Variants in LINGO1 observed in about 807,000 individuals in gnomAD.
LINGO1 encodes the protein leucine rich repeat and Ig domain containing 1.
LINGO1 carries 11 observed loss-of-function variants against 37.3 expected under a neutral mutation model. The observed-to-expected ratio is 0.29, with a 90% CI of 0.19 to 0.49. LINGO1 has a LOEUF of 0.49. Among genes scored for constraint, LINGO1 ranks in the 20% least tolerant of loss-of-function variants. The pLI is 0.99. For missense variants in LINGO1, 585 were observed against 878.2 expected (o/e 0.67, Z 4.22); for synonymous variants, 387 against 403.0 (o/e 0.96, Z 0.48).
In LINGO1 at chr15:77,758,969, C is replaced by T. The variant is rs890368131; in HGVS notation, c.-256-23916G>A. 2.6e-5 allele frequency among the ~76,000 whole-genome samples: 4 copies of T among 152,262 alleles called. No homozygotes were observed. In the East Asian group the frequency reaches 7.7e-4, roughly 29 times the overall value. ...GTTCCAGAGTGGGGTCCACTCCACT[C>T]AGCCCATAGGGAGCCCACAAGGCCC... On this transcript the variant is annotated intron_variant, in intron 1 of 3. Coordinates refer to the LINGO1 transcript ENST00000561686.
At chr15:77,720,837 C>G (rs1176692276) in intron 2 of LINGO1, 2 of 152,034 alleles carry the variant, frequency 1.3e-5, no homozygotes, top group African/African-American at 4.8e-5. Flanking sequence ...ACAGGGAAGG[C>G]CCCAGGCCTG....
chr15:77,745,209 G>A (rs1358786643), intron 1 of LINGO1, among the ~76,000 whole-genome samples: 2 of 151,362 alleles, frequency 1.3e-5, no homozygotes, highest in Non-Finnish European at 2.9e-5. Context: ...GGCGGATCAC[G>A]AGGTCAGGAG....
chr15:77,803,972 G>T (rs961930604), intron 1 of LINGO1, among the ~76,000 whole-genome samples: 14 of 152,182 alleles, frequency 9.2e-5, no homozygotes, highest in African/African-American at 3.4e-4. Flanking sequence ...TCTTAAGGCA[G>T]CAGGGTAGAG....
chr15:77,636,820 G>A (rs1177304024), upstream of LINGO1, among the ~76,000 whole-genome samples: 1 of 152,134 alleles, frequency 6.6e-6, no homozygotes, highest in Non-Finnish European at 1.5e-5. Context: ...TGGGGTTGCT[G>A]AGGCCGCTGT....
At chr15:77,785,705 A>G (rs2076764478) in intron 1 of LINGO1, among the ~76,000 whole-genome samples, 2 of 151,658 alleles carry the variant, frequency 1.3e-5, no homozygotes, top group African/African-American at 4.9e-5. Flanking sequence ...TCCCAACCAC[A>G]CGTGCTCTCT....
chr15:77,735,613 G>A (rs921029433), intron 1 of LINGO1, among the ~76,000 whole-genome samples: 1 of 152,248 alleles, frequency 6.6e-6, no homozygotes, highest in African/African-American at 2.4e-5. Context: ...GGCAGGTGCA[G>A]CAGAGTTGCT....
intron 3 of LINGO1, among the ~76,000 whole-genome samples, chr15:77,654,781 C>T (rs1471855916): frequency 2.0e-5 from 3 of 152,120 alleles, no homozygotes; most frequent in African/African-American, 7.2e-5. Context: ...TCTTTTCATC[C>T]CGTGTTACAT....
chr15:77,715,689 G>A (rs565179647), intron 2 of LINGO1, among the ~76,000 whole-genome samples: 2 of 152,306 alleles, frequency 1.3e-5, no homozygotes, highest in Admixed American at 6.5e-5. Flanking sequence ...CCCCTCCTGC[G>A]CTGGGGCCTG....
chr15:77,800,736 T>C (rs1382111453), intron 1 of LINGO1, among the ~76,000 whole-genome samples: 2 of 151,802 alleles, frequency 1.3e-5, no homozygotes, highest in Non-Finnish European at 2.9e-5. Flanking sequence ...GTGTAAAACA[T>C]CCGTACAGCA....
intron 1 of LINGO1, among the ~76,000 whole-genome samples, chr15:77,619,789 C>A (rs2073862897): frequency 1.3e-5 from 2 of 152,210 alleles, no homozygotes; most frequent in Non-Finnish European, 2.9e-5. Flanking sequence ...TTGCCCTGTA[C>A]AGCTGCCACC....
chr15:77,731,732 AG>A (rs1167555146), intron 2 of LINGO1, among the ~76,000 whole-genome samples: 3 of 151,980 alleles, frequency 2.0e-5, no homozygotes, highest in African/African-American at 4.8e-5. Context: ...TATTTCCTCT[AG>A]GCTCAGAGAT....
upstream of LINGO1, among the ~76,000 whole-genome samples, chr15:77,697,525 C>T (rs1048308858): frequency 2.0e-5 from 3 of 152,142 alleles, no homozygotes; most frequent in African/African-American, 7.2e-5. Context: ...GCCCAAAGGT[C>T]CAGCCCAGAG....
At chr15:77,649,834 G>T (rs190470467) in intron 3 of LINGO1, among the ~76,000 whole-genome samples, 12 of 152,256 alleles carry the variant, frequency 7.9e-5, no homozygotes, top group African/African-American at 2.9e-4. Flanking sequence ...CCACCAAGGG[G>T]AGAGTGGAGA....
chr15:77,814,665 A>G (rs1446427562), intron 1 of LINGO1, among the ~76,000 whole-genome samples: 1 of 152,200 alleles, frequency 6.6e-6, no homozygotes, highest in Non-Finnish European at 1.5e-5. Context: ...AGTGAGGCTC[A>G]GTAAAGTGAC....
At chr15:77,774,585 G>A (rs987635714) in intron 1 of LINGO1, among the ~76,000 whole-genome samples, 1 of 152,112 alleles carries the variant, frequency 6.6e-6, no homozygotes, top group Non-Finnish European at 1.5e-5. Flanking sequence ...CCCCAGCAGG[G>A]CATGAGCCCA....
chr15:77,702,451 C>G (rs2075796686), intron 2 of LINGO1, among the ~76,000 whole-genome samples: 1 of 152,126 alleles, frequency 6.6e-6, no homozygotes, highest in South Asian at 2.1e-4. Context: ...ACCCCAGGGG[C>G]CTGGGGAGGA....
Position 77,708,607 on chromosome 15 carries a change from T to C in LINGO1, c.-194-17706A>G, listed in dbSNP as rs138462708. 7.6e-3 allele frequency among the ~76,000 whole-genome samples: 1,158 copies of C among 152,328 alleles called. 3 individuals are homozygous for C. The highest frequency in any genetic ancestry group is 0.011 in the Non-Finnish European group (766 of 68,026). Reference sequence around the variant, plus strand: ...CCTGATCCAACGACTGATGTTCTTATACAAGAAGTCAACTTGGCCGGGCGC... The same window carrying C: ...CCTGATCCAACGACTGATGTTCTTACACAAGAAGTCAACTTGGCCGGGCGC... On this transcript the variant is annotated intron_variant, in intron 2 of 3. Transcript: ENST00000561686.
At chr15:77,782,006 C>G (rs916458399) in intron 1 of LINGO1, among the ~76,000 whole-genome samples, 1 of 152,086 alleles carries the variant, frequency 6.6e-6, no homozygotes, top group Non-Finnish European at 1.5e-5. Flanking sequence ...GGAAAGGACC[C>G]GAAATCAACA....
At chr15:77,790,119 C>T (rs571543223), upstream of LINGO1, among the ~76,000 whole-genome samples, 13 of 152,276 alleles carry the variant, frequency 8.5e-5, no homozygotes, top group Admixed American at 2.0e-4. Flanking sequence ...AACTGTGAGA[C>T]GATCCATTTC....
Sources: allele counts gnomAD v4.1 joint callset (sites outside exome capture counted in the v4.1 genomes callset), GRCh38; gene constraint gnomAD v4.1.1; transcripts MANE v1.5; gene names NCBI Gene and HGNC (gene_info 2026-07-23, HGNC 2026-07-21).